CD247: variants seen among roughly 807,000 people sequenced by gnomAD.
CD247 encodes T-cell surface glycoprotein CD3 zeta chain.
A neutral mutation model predicts 30.0 loss-of-function variants in CD247; 13 were observed. That is an observed-to-expected ratio of 0.43 (90% CI 0.28 to 0.69). The LOEUF is 0.69. Ranked by LOEUF, CD247 falls within the 30% of genes least tolerant of loss-of-function variation. The pLI, the probability that CD247 is intolerant of heterozygous loss-of-function variation, is 0.16. For missense variants in CD247, 193 were observed against 212.6 expected (o/e 0.91, Z 0.57); for synonymous variants, 72 against 80.0 (o/e 0.90, Z 0.53).
intron 1 of CD247, among the ~76,000 whole-genome samples, chr1:167,484,072 G>A (rs540125065): frequency 2.5e-4 from 38 of 152,354 alleles, no homozygotes; most frequent in African/African-American, 8.4e-4. Context: ...GCCGGGGGCC[G>A]TGGGGTTCAG....
intron 1 of CD247, among the ~76,000 whole-genome samples, chr1:167,448,041 G>A (rs1225012727): frequency 6.6e-6 from 1 of 152,106 alleles, no homozygotes; most frequent in Non-Finnish European, 1.5e-5. Flanking sequence ...CAGCATCCAG[G>A]CACCCAGACC....
At chr1:167,455,281 C>G (rs1238143692) in intron 1 of CD247, among the ~76,000 whole-genome samples, 2 of 152,380 alleles carry the variant, frequency 1.3e-5, no homozygotes, top group South Asian at 4.1e-4. Flanking sequence ...CTGGCCTCCC[C>G]GCGTCCGGCT....
intron 1 of CD247, among the ~76,000 whole-genome samples, chr1:167,514,558 G>A (rs1023213492): frequency 6.6e-6 from 1 of 152,106 alleles, no homozygotes; most frequent in Non-Finnish European, 1.5e-5. Context: ...ATGTACATGC[G>A]CTGACTAAAG....
chr1:167,509,810 G>A (rs1313197657), intron 1 of CD247, among the ~76,000 whole-genome samples: 1 of 152,186 alleles, frequency 6.6e-6, no homozygotes, highest in Non-Finnish European at 1.5e-5. Context: ...GGGTGAACAG[G>A]GTTTCCGCAG....
At chr1:167,496,235 G>C (rs1654685702) in intron 1 of CD247, among the ~76,000 whole-genome samples, 1 of 152,242 alleles carries the variant, frequency 6.6e-6, no homozygotes. Flanking sequence ...TAGGTAGGCA[G>C]GTAGTGAGTT....
At chr1:167,464,217 T>G (rs775056569) in intron 1 of CD247, among the ~76,000 whole-genome samples, 2 of 152,156 alleles carry the variant, frequency 1.3e-5, no homozygotes, top group Non-Finnish European at 2.9e-5. Context: ...AAGAAGTTTC[T>G]AATTTCCCCC....
intron 1 of CD247, among the ~76,000 whole-genome samples, chr1:167,454,944 C>G (rs1277551559): frequency 6.6e-6 from 1 of 152,344 alleles, no homozygotes; most frequent in South Asian, 2.1e-4. Context: ...CCCTGTGGCC[C>G]CCGCAGCTTC....
intron 1 of CD247, among the ~76,000 whole-genome samples, chr1:167,514,499 CTT>C (rs1031083018): frequency 2.6e-5 from 4 of 152,142 alleles, no homozygotes; most frequent in Admixed American, 6.5e-5. Context: ...ACAGGGGCGT[CTT>C]TGTTTTCAGG....
intron 1 of CD247, among the ~76,000 whole-genome samples, chr1:167,495,143 G>A (rs1654630507): frequency 6.6e-6 from 1 of 152,242 alleles, no homozygotes; most frequent in East Asian, 1.9e-4. Context: ...ATTGTGGTTA[G>A]TATTGCAGGC....
At chr1:167,451,302 A>T (rs1006534623) in intron 1 of CD247, among the ~76,000 whole-genome samples, 2 of 152,228 alleles carry the variant, frequency 1.3e-5, no homozygotes, top group African/African-American at 4.8e-5. Flanking sequence ...TATTTAAAAT[A>T]TGGTAATAAC....
chr1:167,459,286 T>C (rs939734219), intron 1 of CD247, among the ~76,000 whole-genome samples: 3 of 152,042 alleles, frequency 2.0e-5, no homozygotes, highest in Non-Finnish European at 4.4e-5. Flanking sequence ...ATGGGTCCAA[T>C]TGTTAATTTT....
chr1:167,493,966 T>A (rs548347751), intron 1 of CD247, among the ~76,000 whole-genome samples: 1 of 152,176 alleles, frequency 6.6e-6, no homozygotes, highest in Non-Finnish European at 1.5e-5. Context: ...GCTCTCACCA[T>A]TGCAGAATCT....
intron 1 of CD247, among the ~76,000 whole-genome samples, chr1:167,493,676 C>A (rs897802906): frequency 1.3e-5 from 2 of 152,154 alleles, no homozygotes; most frequent in African/African-American, 2.4e-5. Context: ...CTAGAAGGGA[C>A]CTTACTGATC....
At chr1:167,468,478 A>T (rs114316022) in intron 1 of CD247, among the ~76,000 whole-genome samples, 1,560 of 152,312 alleles carry the variant, frequency 0.01, 12 homozygotes, top group Non-Finnish European at 0.015. Flanking sequence ...GAGCTCTGAC[A>T]TGAAGCCAAA....
At chr1:167,454,200 C>T (rs1028241871) in intron 1 of CD247, among the ~76,000 whole-genome samples, 9 of 151,930 alleles carry the variant, frequency 5.9e-5, no homozygotes, top group African/African-American at 2.2e-4. Context: ...TATTATTTTA[C>T]AAGAAAAAAC....
intron 1 of CD247, among the ~76,000 whole-genome samples, chr1:167,465,219 C>A (rs1310775425): frequency 6.6e-6 from 1 of 152,144 alleles, no homozygotes; most frequent in Non-Finnish European, 1.5e-5. Context: ...CTCCCCACCA[C>A]CCTGCTAGGC....
intron 1 of CD247, among the ~76,000 whole-genome samples, chr1:167,509,738 C>T (rs1472521930): frequency 2.6e-5 from 4 of 152,172 alleles, no homozygotes; most frequent in East Asian, 3.9e-4. Flanking sequence ...GTCACTTTAA[C>T]GCTGGTAACA....
intron 1 of CD247, among the ~76,000 whole-genome samples, chr1:167,507,332 G>A (rs1298003784): frequency 6.6e-6 from 1 of 151,982 alleles, no homozygotes; most frequent in Non-Finnish European, 1.5e-5. Flanking sequence ...GACTCTACAG[G>A]GAAAACATGG....
chr1:167,517,474 C>T (rs541988070), intron 1 of CD247, among the ~76,000 whole-genome samples: 1 of 152,366 alleles, frequency 6.6e-6, no homozygotes, highest in East Asian at 1.9e-4. Flanking sequence ...TTGTCCTGTC[C>T]TCTTTTCACT....
Sources: allele counts gnomAD v4.1 joint callset (sites outside exome capture counted in the v4.1 genomes callset), GRCh38; gene constraint gnomAD v4.1.1; transcripts MANE v1.5; gene names NCBI Gene and HGNC (gene_info 2026-07-23, HGNC 2026-07-21).